UNC93B1: variants seen among roughly 807,000 people sequenced by gnomAD.
UNC93B1 encodes the protein unc-93B1 regulator of TLR signaling.
UNC93B1 carries 33 observed loss-of-function variants against 56.8 expected under a neutral mutation model. That is an observed-to-expected ratio of 0.58 (90% CI 0.44 to 0.78). The LOEUF (loss-of-function observed/expected upper bound fraction) is 0.78, where lower values mean the gene tolerates loss of function less well. Among genes scored for constraint, UNC93B1 ranks in the 30% least tolerant of loss-of-function variants. The probability of loss-of-function intolerance (pLI) is 0.00; values close to 1 mark genes in which losing one functional copy is unlikely to be tolerated. For synonymous variants in UNC93B1, 334 were observed against 358.6 expected (o/e 0.93, Z 0.77); for missense variants, 673 against 819.5 (o/e 0.82, Z 2.18).
intron 6 of UNC93B1, 64 bp downstream of exon 6, chr11:67,998,295 C>A (rs752411873): frequency 1.9e-6 from 3 of 1,574,064 alleles, no homozygotes; most frequent in Non-Finnish European, 1.7e-6. Flanking sequence ...AGTGAGGGCC[C>A]AGTGTCTGCT....
intron 3 of UNC93B1, among the ~76,000 whole-genome samples, chr11:68,000,311 C>T (rs1239536985): frequency 2.0e-5 from 3 of 152,198 alleles, no homozygotes; most frequent in Admixed American, 6.5e-5. Context: ...TATTTATGCT[C>T]CTTAAGTAAA....
At position 67,995,837 on chromosome 11, in the gene UNC93B1, G is replaced by A. The variant is rs764421337; in HGVS notation, c.1137C>T (p.Leu379=). ...CTGAGGCGCCCAGGCTGTAAGCCAC[G>A]AGGAGGTAAGCCAGCCGCTCCAGCC... The part of the protein sequence containing the change: ...SVGLERLAYL[L]VAYSLGASAA... The change falls in exon 9 of 11, where the codon CTC becomes CTT. Residue 379 remains leucine (L), a synonymous_variant. Transcript: ENST00000227471. 4.0e-5 allele frequency: 61 copies of A among 1,541,714 alleles called. No homozygotes were observed. The highest frequency in any genetic ancestry group is 4.6e-5 in the Non-Finnish European group (53 of 1,145,072).
In UNC93B1 at chr11:67,995,783, C is replaced by CAG. The variant is rs1238199040; in HGVS notation, c.1189_1190dup (p.Trp398CysfsTer52). 6.5e-7 allele frequency: 1 copy of CAG among 1,547,702 alleles called. No individual in the cohort carries two copies. The highest frequency in any genetic ancestry group is 8.7e-7 in the Non-Finnish European group (1 of 1,146,598). On this transcript the variant is annotated frameshift_variant, in exon 9 of 11. Transcript: ENST00000227471. LOFTEE classifies it high-confidence loss of function. ...CCAGGGGCACCGGGCGTGGCAGCCA[C>CAG]AGGCCCAGCAGGCCCAGGAGTGAGG...
chr11:67,993,526 T>C, intron 10 of UNC93B1, 150 bp downstream of exon 10: 3 of 613,450 alleles, frequency 4.9e-6, no homozygotes, highest in South Asian at 3.7e-5. Flanking sequence ...GGGTGCTGAG[T>C]TGGGGGCCAC....
chr11:67,998,822 A>C (rs1034423404), intron 5 of UNC93B1, among the ~76,000 whole-genome samples: 1 of 152,114 alleles, frequency 6.6e-6, no homozygotes, highest in Non-Finnish European at 1.5e-5. Flanking sequence ...ACTTGAGCCC[A>C]GCAGTTCAAG....
chr11:68,003,555 AGG>A lies in UNC93B1; in HGVS notation c.238+100_238+101del, dbSNP rs904729925. On this transcript the variant is annotated intron_variant, in intron 2 of 10. Coordinates refer to ENST00000227471, the MANE Select transcript of UNC93B1 (RefSeq NM_030930.4). The surrounding 1 kb of genome is among the most constrained non-coding windows in gnomAD (Gnocchi z 4.4). ...GTGGCTGCAGCTGCGAGGGCAGCGG[AGG>A]GGAAGTGAGAGCGGGCGGGAGGCGG... 1.5e-4 allele frequency: 214 copies of A among 1,415,948 alleles called. No individual in the cohort carries two copies. Among genetic ancestry groups the A allele is most frequent in the Middle Eastern group, 7.5e-4 (3 of 4,002 alleles). 87.7% of individuals were successfully genotyped at this position (1,415,948 alleles called of 1,614,324 possible).
intron 6 of UNC93B1, 50 bp downstream of exon 6, chr11:67,998,309 G>A (rs777187464): frequency 1.3e-6 from 2 of 1,598,646 alleles, no homozygotes; most frequent in Non-Finnish European, 1.7e-6. Flanking sequence ...GTCTGCTGGG[G>A]AAGTAAGCAG....
chr11:67,996,730 T>C lies in UNC93B1; in HGVS notation c.961A>G (p.Ser321Gly). Residue 321 changes from serine to glycine, a missense_variant, in exon 8 of 11, where the codon AGC (serine) becomes GGC (glycine). Ser to Gly is a moderately conservative substitution (Grantham distance 56). Transcript: ENST00000227471. ...YRPTEEIDLR[S>G]VGWGNIFQLP... is the part of the protein sequence containing the mutation. ...TGGAAGATGTTGCCCCAGCCCACGCTGCGCAGATCGATCTCCTCCGTGGGC... is the reference window on the plus strand; with the variant it reads ...TGGAAGATGTTGCCCCAGCCCACGCCGCGCAGATCGATCTCCTCCGTGGGC... The C allele has an allele frequency of 6.4e-7, 1 of 1,556,834 alleles. No homozygotes were observed. The highest frequency in any genetic ancestry group is 8.7e-7 in the Non-Finnish European group (1 of 1,149,992).
At position 67,996,700 on chromosome 11, in the gene UNC93B1, G is replaced by A; in HGVS notation, c.991C>T (p.Pro331Ser). 6.4e-7 allele frequency: 1 copy of A among 1,552,188 alleles called. No homozygotes were observed. The highest frequency in any genetic ancestry group is 8.7e-7 in the Non-Finnish European group (1 of 1,147,308). Residue 331 changes from proline (P) to serine (S), a missense_variant, in exon 8 of 11, where the codon CCC (proline) becomes TCC (serine). Physicochemically the swap from Pro to Ser is moderately conservative, Grantham distance 74 (BLOSUM62 -1). Around this residue, in one of 3 missense-constraint regions of UNC93B1, gnomAD observed 438 missense variants for 465.9 expected, o/e 0.94. Coordinates refer to ENST00000227471, the MANE Select transcript of UNC93B1 (RefSeq NM_030930.4). ...SVGWGNIFQL[P>S]FKHVRDYRLR... ...CGGTAGTCACGCACGTGCTTGAAGG[G>A]CAGCTGGAAGATGTTGCCCCAGCCC... is the stretch of plus-strand genomic sequence containing the variant.
rs892236391 is a variant in UNC93B1 at position 68,003,601 on chromosome 11, T to C, written c.238+56A>G. ...GAGGCGGCGGCCCGCGGTTTCTGTT[T>C]CCCGGGCCGGGCTGGGAGCGGGCGG... On this transcript the variant is annotated intron_variant, in intron 2 of 10. Coordinates refer to ENST00000227471, the MANE Select transcript of UNC93B1 (RefSeq NM_030930.4). The surrounding 1 kb of genome is among the most constrained non-coding windows in gnomAD (Gnocchi z 4.4). 1 of 1,479,796 alleles carries C rather than the reference T, an allele frequency of 6.8e-7. No individual in the cohort carries two copies. Among genetic ancestry groups the C allele is most frequent in the Non-Finnish European group, 8.9e-7 (1 of 1,118,460 alleles). 91.7% of individuals were successfully genotyped at this position (1,479,796 alleles called of 1,614,324 possible). A position where few individuals can be genotyped will look rare whatever the true frequency, so the allele number is the denominator to read the frequency against.
rs1857072999 is a variant in UNC93B1 at position 68,003,094 on chromosome 11, A to T, written c.320T>A (p.Ile107Asn). The T allele has an allele frequency of 1.9e-6, 3 of 1,613,468 alleles. No individual in the cohort carries two copies. The highest frequency in any genetic ancestry group is 2.5e-6 in the Non-Finnish European group (3 of 1,179,772). ...GATGCCCATCAGCATTTTGCTGTCG[A>T]TGTCGGGCAGCCCCATGTTGCCATA... ...VKYGNMGLPD[I>N]DSKMLMGINV... is the part of the protein sequence containing the mutation. The change falls in exon 3 of 11, where the codon ATC becomes AAC. Residue 107 changes from isoleucine (I) to asparagine (N), a missense_variant. Coordinates refer to ENST00000227471, the MANE Select transcript of UNC93B1 (RefSeq NM_030930.4). This position sits in a 1 kb window ranked among gnomAD's most constrained non-coding sequence, Gnocchi z 4.4.
In UNC93B1 at chr11:68,003,351, C is replaced by T; in HGVS notation, c.239-176G>A. ...CGCCACGCCTTCTGCCAGCCCGCGG[C>T]CACTTGGCCAGCTAAGCCCAGACCC... On this transcript the variant is annotated intron_variant, in intron 2 of 10. Transcript: ENST00000227471. This position sits in a 1 kb window ranked among gnomAD's most constrained non-coding sequence, Gnocchi z 4.4. The T allele has an allele frequency of 1.1e-6, 1 of 931,856 alleles. No homozygotes were observed. Among genetic ancestry groups the T allele is most frequent in the African/African-American group, 1.7e-5 (1 of 58,612 alleles). The allele number at this position is 931,856 out of a possible 1,614,324, so 57.7% of individuals were successfully genotyped here.
At chr11:67,995,589 C>CCCA in intron 9 of UNC93B1, 22 bp downstream of exon 9, 4 of 579,020 alleles carry the variant, frequency 6.9e-6, no homozygotes, top group East Asian at 4.9e-5. Flanking sequence ...CCCCCCCCCC[C>CCCA]AGTGCCCACA....
chr11:67,998,853 C>T (rs1170981396), intron 5 of UNC93B1, among the ~76,000 whole-genome samples: 1 of 151,918 alleles, frequency 6.6e-6, no homozygotes, highest in Non-Finnish European at 1.5e-5. Context: ...GCTGTGACTG[C>T]ACTACTGCAC....
In UNC93B1 at chr11:68,003,171, G is replaced by T. The variant is rs751477522; in HGVS notation, c.243C>A (p.Leu81=). ...GMLTYGVYLG[L]LQMQLILHYD... ...AGTGCAGGATCAGCTGCATCTGCAG[G>T]AGGCCTGGGGACAGGACAGAGAGCG... is the stretch of plus-strand genomic sequence containing the variant. Residue 81 remains leucine, a synonymous_variant, in exon 3 of 11, where the codon CTC becomes CTA. Transcript: ENST00000227471. This position sits in a 1 kb window ranked among gnomAD's most constrained non-coding sequence, Gnocchi z 4.4. The T allele has an allele frequency of 7.4e-6, 12 of 1,611,118 alleles. No individual in the cohort carries two copies. The East Asian group carries it at 1.8e-4, about 24-fold the overall frequency.
intron 7 of UNC93B1, 67 bp from the exon 8 acceptor site, chr11:67,996,851 C>T: frequency 6.9e-7 from 1 of 1,443,868 alleles, no homozygotes; most frequent in East Asian, 2.6e-5. Flanking sequence ...TTCAGCCCCG[C>T]CCTTCAGATG....
Position 68,004,071 on chromosome 11 carries a change from G to T in UNC93B1, c.-28C>A. On this transcript the variant is annotated 5_prime_UTR_variant, in exon 1 of 11. Coordinates refer to ENST00000227471, the MANE Select transcript of UNC93B1 (RefSeq NM_030930.4). ...CCCGAACTACTGCGGACTCGCGGCG[G>T]TCGCCCCGGAGTCCCTGCGACCGCC... The T allele has an allele frequency of 7.6e-7, 1 of 1,319,346 alleles. No individual in the cohort carries two copies. Among genetic ancestry groups the T allele is most frequent in the Non-Finnish European group, 9.7e-7 (1 of 1,032,386 alleles). The allele number at this position is 1,319,346 out of a possible 1,614,324, so 81.7% of individuals were successfully genotyped here. A position where few individuals can be genotyped will look rare whatever the true frequency, so the allele number is the denominator to read the frequency against.
intron 6 of UNC93B1, among the ~76,000 whole-genome samples, chr11:67,998,068 T>G (rs1856980421): frequency 1.3e-5 from 2 of 152,204 alleles, no homozygotes; most frequent in Non-Finnish European, 2.9e-5. Flanking sequence ...CACATTTCCA[T>G]GCACACCCCC....
At chr11:67,999,956 C>T (rs867230685) in intron 3 of UNC93B1, among the ~76,000 whole-genome samples, 2 of 152,234 alleles carry the variant, frequency 1.3e-5, no homozygotes, top group Non-Finnish European at 2.9e-5. Flanking sequence ...TGGGTGTAAC[C>T]AGCCCTCATG....
Sources: gnomAD v4.1 joint callset for allele counts (sites outside exome capture counted in the v4.1 genomes callset) on GRCh38, gnomAD v4.1.1 for gene constraint, gnomAD v4.1.1 regional missense constraint, Gnocchi (gnomAD v3.1) non-coding constraint, MANE v1.5 for transcripts, NCBI Gene and HGNC (gene_info 2026-07-23, HGNC 2026-07-21) for gene names.